Variants in GREB1 observed in about 807,000 individuals in gnomAD.
The protein encoded by GREB1 is protein GREB1.
In GREB1, 106 loss-of-function variants were observed where a neutral mutation model predicts 200.7. That is an observed-to-expected ratio of 0.53 (90% confidence interval 0.45 to 0.62). GREB1 has a LOEUF of 0.62. GREB1 is among the 20% of genes least tolerant of loss of function. GREB1 has a pLI of 0.00. For missense variants in GREB1, 2,243 were observed against 2,556.8 expected, an observed-to-expected ratio of 0.88 and a Z score of 2.65; for synonymous variants, 1,132 against 1,092.4, an observed-to-expected ratio of 1.04 and a Z score of -0.72.
chr2:11,594,079 T>C (rs1680989775), intron 11 of GREB1, among the ~76,000 whole-genome samples: 1 of 152,204 alleles, frequency 6.6e-6, no homozygotes, highest in Non-Finnish European at 1.5e-5. Flanking sequence ...TCTTGGCTCA[T>C]TGCAGTATCG....
In GREB1 at chr2:11,634,315, G is replaced by A. The variant is rs1685130819; in HGVS notation, c.5176G>A (p.Asp1726Asn). ...HVHNFIILNV[D>N]LTQNVQYNQN... ...GCACAACTTCATCATCCTGAACGTGGACCTGACCCAGAACGTGCAGTACAA... is the reference window on the plus strand; with the variant it reads ...GCACAACTTCATCATCCTGAACGTGAACCTGACCCAGAACGTGCAGTACAA... Residue 1726 changes from aspartate to asparagine, a missense_variant, in exon 29 of 33, where the codon GAC becomes AAC. Physicochemically the swap from Asp to Asn is conservative, Grantham distance 23. This residue lies in a region of GREB1 where 478 missense variants were observed against 616.3 expected (regional missense o/e 0.78). Transcript: ENST00000381486. 1.2e-6 allele frequency: 2 copies of A among 1,613,954 alleles called. No homozygotes were observed. The highest frequency in any genetic ancestry group is 2.7e-5 in the African/African-American group (2 of 74,930).
chr2:11,559,122 T>A (rs1052814839), intron 2 of GREB1, among the ~76,000 whole-genome samples: 1 of 152,192 alleles, frequency 6.6e-6, no homozygotes, highest in East Asian at 1.9e-4. Flanking sequence ...CACAATTGCA[T>A]GTCAACATTA....
At chr2:11,545,106 G>T (rs937567612) in intron 1 of GREB1, among the ~76,000 whole-genome samples, 2 of 150,450 alleles carry the variant, frequency 1.3e-5, no homozygotes, top group Admixed American at 6.6e-5. Flanking sequence ...TGAGCCACCG[G>T]CCCGGCCTGC....
intron 1 of GREB1, among the ~76,000 whole-genome samples, chr2:11,525,845 C>G (rs1026879118): frequency 3.9e-5 from 6 of 152,200 alleles, no homozygotes; most frequent in African/African-American, 1.4e-4. Flanking sequence ...CACCTCCTGC[C>G]TGGACTCTCA....
chr2:11,566,143 C>T (rs191348934), intron 3 of GREB1, among the ~76,000 whole-genome samples: 16 of 152,194 alleles, frequency 1.1e-4, no homozygotes, highest in East Asian at 5.8e-4. Flanking sequence ...CCCAGCCTGA[C>T]GAGTAGCTGG....
chr2:11,525,480 G>C (rs1475085141), intron 1 of GREB1, among the ~76,000 whole-genome samples: 2 of 142,198 alleles, frequency 1.4e-5, no homozygotes, highest in Non-Finnish European at 3.0e-5. Flanking sequence ...CTGGGTGACA[G>C]AGGGAGACTC....
chr2:11,574,329 G>A (rs543576642), intron 4 of GREB1, among the ~76,000 whole-genome samples: 1 of 152,336 alleles, frequency 6.6e-6, no homozygotes, highest in African/African-American at 2.4e-5. Context: ...TCACTGGGAT[G>A]TTCAGAGGCC....
At chr2:11,632,246 T>A in intron 27 of GREB1, 133 bp downstream of exon 27, 1 of 655,244 alleles carries the variant, frequency 1.5e-6, no homozygotes, top group Non-Finnish European at 2.7e-6. Context: ...ATTTTCATTT[T>A]GTCTGACTTT....
chr2:11,571,505 A>C (rs891022762), intron 4 of GREB1, among the ~76,000 whole-genome samples: 7 of 152,196 alleles, frequency 4.6e-5, no homozygotes, highest in Admixed American at 2.0e-4. Flanking sequence ...TGTACGCGGT[A>C]CCTGACTGCG....
chr2:11,638,732 T>G lies in GREB1; in HGVS notation c.5609T>G (p.Leu1870Arg). 6.2e-7 allele frequency: 1 copy of G among 1,614,102 alleles called. No individual in the cohort carries two copies. The highest frequency in any genetic ancestry group is 8.5e-7 in the Non-Finnish European group (1 of 1,179,920). The change falls in exon 32 of 33, where the codon CTG becomes CGG. Residue 1870 changes from leucine (L) to arginine (R), a missense_variant. Around this residue, in one of 3 missense-constraint regions of GREB1, gnomAD observed 478 missense variants for 616.3 expected, o/e 0.78. Coordinates refer to ENST00000381486, the MANE Select transcript of GREB1 (RefSeq NM_014668.4). ...TTAAACATCAGCTGCTCGGACTTGC[T>G]GTTCAGTGGGCTGCTGCTGTACCTC... ...HSLNISCSDLLFSGLLLYLCD... is the reference protein window; with the variant it reads ...HSLNISCSDLRFSGLLLYLCD...
Position 11,493,181 on chromosome 2 carries a change from G to A in GREB1, c.-159+10800G>A, listed in dbSNP as rs1044308682. ...CATAGGCTTGTGGAAACTGCGACAT[G>A]AAGGGAAATGAGGTATGTACTGTAT... is the stretch of plus-strand genomic sequence containing the variant. On this transcript the variant is annotated intron_variant, in intron 1 of 2. Transcript: ENST00000628795. The surrounding 1 kb of genome is among the most constrained non-coding windows in gnomAD (Gnocchi z 4.6). 2.0e-5 allele frequency among the ~76,000 whole-genome samples: 3 copies of A among 152,206 alleles called. No homozygotes were observed. The highest frequency in any genetic ancestry group is 7.2e-5 in the African/African-American group (3 of 41,448).
At chr2:11,526,910 A>G (rs1673896749) in intron 1 of GREB1, among the ~76,000 whole-genome samples, 1 of 152,142 alleles carries the variant, frequency 6.6e-6, no homozygotes, top group Non-Finnish European at 1.5e-5. Context: ...TCTAAATAAC[A>G]TATTTTGCTA....
chr2:11,543,985 CAGCACCCAGG>C (rs1205051273), intron 1 of GREB1, among the ~76,000 whole-genome samples: 1 of 152,060 alleles, frequency 6.6e-6, no homozygotes, highest in Non-Finnish European at 1.5e-5. Flanking sequence ...GATGAGTGTA[CAGCACCCAGG>C]AGCACCCAGA....
chr2:11,583,153 G>T (rs958351831), intron 7 of GREB1, among the ~76,000 whole-genome samples: 2 of 152,204 alleles, frequency 1.3e-5, no homozygotes, highest in African/African-American at 2.4e-5. Context: ...CGGGCTTAGG[G>T]TCTATTTAGA....
chr2:11,518,298 G>T (rs1009053689), intron 1 of GREB1, among the ~76,000 whole-genome samples: 3 of 152,158 alleles, frequency 2.0e-5, no homozygotes, highest in African/African-American at 7.2e-5. Flanking sequence ...AAAAATTCGT[G>T]TATAGGAGAA....
At chr2:11,495,364 T>C (rs565033114) in intron 1 of GREB1, among the ~76,000 whole-genome samples, 2 of 152,318 alleles carry the variant, frequency 1.3e-5, no homozygotes, top group African/African-American at 2.4e-5. Context: ...TATATGAACC[T>C]GCCATTTTTG....
chr2:11,602,670 T>A, intron 17 of GREB1, 128 bp downstream of exon 17: 1 of 742,930 alleles, frequency 1.3e-6, no homozygotes, highest in Non-Finnish European at 2.3e-6. Context: ...GTTTCTCCAC[T>A]AAATGTACCC....
In GREB1 at chr2:11,496,740, C is replaced by T. The variant is rs140329776; in HGVS notation, c.-159+14359C>T. On this transcript the variant is annotated intron_variant, in intron 1 of 2. Transcript: ENST00000628795. Reference sequence around the variant, plus strand: ...ATACAGAGGTCTCATGTACCATATACTCAGTTTCTCCCAATGATAACATTT... The same window carrying T: ...ATACAGAGGTCTCATGTACCATATATTCAGTTTCTCCCAATGATAACATTT... 1.8e-4 allele frequency among the ~76,000 whole-genome samples: 27 copies of T among 152,326 alleles called. No individual in the cohort carries two copies. The East Asian group carries it at 4.8e-3, about 27-fold the overall frequency.
chr2:11,585,439 C>T (rs1039685078), intron 8 of GREB1, among the ~76,000 whole-genome samples, 165 bp downstream of exon 8: 17 of 152,268 alleles, frequency 1.1e-4, no homozygotes, highest in African/African-American at 3.9e-4. Context: ...CAAAAGACCT[C>T]TTTCTCACAT....
Sources: allele counts gnomAD v4.1 joint callset (sites outside exome capture counted in the v4.1 genomes callset), GRCh38; gene constraint gnomAD v4.1.1; regional missense constraint gnomAD v4.1.1; non-coding constraint Gnocchi (gnomAD v3.1); transcripts MANE v1.5; gene names NCBI Gene and HGNC (gene_info 2026-07-23, HGNC 2026-07-21).